GATAD2A: variants seen among roughly 807,000 people sequenced by gnomAD.
The protein encoded by GATAD2A is GATA zinc finger domain containing 2A.
A neutral mutation model predicts 68.5 loss-of-function variants in GATAD2A; 12 were observed. The ratio of observed to expected loss-of-function variants is 0.18; its 90% CI spans 0.11 to 0.28. The LOEUF (loss-of-function observed/expected upper bound fraction) is 0.28. Among genes scored for constraint, GATAD2A ranks in the 10% least tolerant of loss-of-function variants. The probability of loss-of-function intolerance (pLI) is 1.00; values close to 1 mark genes in which losing one functional copy is unlikely to be tolerated. For synonymous variants in GATAD2A, 410 were observed against 375.3 expected (o/e 1.09, Z -1.07); for missense variants, 755 against 868.5 (o/e 0.87, Z 1.64).
chr19:19,480,912 C>T (rs1179698225), intron 2 of GATAD2A, among the ~76,000 whole-genome samples: 1 of 152,214 alleles, frequency 6.6e-6, no homozygotes, highest in Non-Finnish European at 1.5e-5. Context: ...TTTCCAGGCA[C>T]AGCGAGCACT....
intron 1 of GATAD2A, among the ~76,000 whole-genome samples, chr19:19,450,650 G>T (rs1361680883): frequency 6.6e-6 from 1 of 151,240 alleles, no homozygotes; most frequent in African/African-American, 2.4e-5. Context: ...GTGCTGGGGG[G>T]TATGTGGGGG....
At position 19,393,213 on chromosome 19, in the gene GATAD2A, G is replaced by A. The variant is rs996873940; in HGVS notation, c.-7+7075G>A. 1.1e-4 allele frequency among the ~76,000 whole-genome samples: 17 copies of A among 152,234 alleles called. No homozygotes were observed. The East Asian group carries it at 2.7e-3, about 24-fold the overall frequency. On this transcript the variant is annotated intron_variant, in intron 1 of 11. Transcript: ENST00000360315. ...AGCTACTCGGGAGGCTGAGGCACAA[G>A]AATGGCTTGAACCTGAGTGAGAGGC...
rs904985278 is a variant in GATAD2A at position 19,506,088 on chromosome 19, C to T, written c.*614C>T. The T allele has an allele frequency of 1.3e-5, 5 of 399,006 alleles. No homozygotes were observed. The highest frequency in any genetic ancestry group is 4.4e-5 in the Admixed American group (1 of 22,740). 24.7% of individuals were successfully genotyped at this position (399,006 alleles called of 1,614,324 possible). Reference sequence around the variant, plus strand: ...CTGGCCCTGTGCCCTGGAGGGTGGGCGGCTCATGGTGCCACAGCCCCTGGC... The same window carrying T: ...CTGGCCCTGTGCCCTGGAGGGTGGGTGGCTCATGGTGCCACAGCCCCTGGC... On this transcript the variant is annotated 3_prime_UTR_variant, in exon 12 of 12. Coordinates refer to ENST00000683918, the MANE Select transcript of GATAD2A (RefSeq NM_001384528.1).
At chr19:19,439,780 G>A (rs527562847) in intron 1 of GATAD2A, among the ~76,000 whole-genome samples, 7 of 152,194 alleles carry the variant, frequency 4.6e-5, no homozygotes, top group South Asian at 2.1e-4. Flanking sequence ...CCCAGGAGGC[G>A]GAGGTTGCAG....
chr19:19,430,519 A>G (rs922898420), intron 1 of GATAD2A, among the ~76,000 whole-genome samples: 3 of 152,136 alleles, frequency 2.0e-5, no homozygotes, highest in Non-Finnish European at 2.9e-5. Flanking sequence ...CCAGGATTGG[A>G]CTGGAGCCAA....
At chr19:19,487,843 T>C (rs1385078689) in intron 2 of GATAD2A, among the ~76,000 whole-genome samples, 1 of 152,154 alleles carries the variant, frequency 6.6e-6, no homozygotes, top group African/African-American at 2.4e-5. Flanking sequence ...GCAGGGCTGG[T>C]GTTGGCTCTA....
At chr19:19,415,599 G>A (rs925990604) in intron 1 of GATAD2A, among the ~76,000 whole-genome samples, 5 of 149,044 alleles carry the variant, frequency 3.4e-5, no homozygotes, top group African/African-American at 1.0e-4. Context: ...ACAGGCGTGC[G>A]CCACCATGCC....
intron 1 of GATAD2A, among the ~76,000 whole-genome samples, chr19:19,409,983 A>G (rs1208652623): frequency 6.6e-6 from 1 of 152,218 alleles, no homozygotes; most frequent in Admixed American, 6.5e-5. Context: ...AGCCTCAGGA[A>G]GTGATTGGGA....
At chr19:19,399,137 T>C (rs2049505609) in intron 1 of GATAD2A, among the ~76,000 whole-genome samples, 1 of 152,300 alleles carries the variant, frequency 6.6e-6, no homozygotes, top group African/African-American at 2.4e-5. Context: ...AGCATGAGAA[T>C]TGCTTGAACC....
At position 19,507,808 on chromosome 19, in the gene GATAD2A, A is replaced by C. The variant is rs564495884; in HGVS notation, c.*2334A>C. The C allele has an allele frequency of 1.3e-5, 2 of 151,610 alleles. No individual in the cohort carries two copies. Among genetic ancestry groups the C allele is most frequent in the South Asian group, 4.2e-4 (2 of 4,788 alleles). 9.4% of individuals were successfully genotyped at this position (151,610 alleles called of 1,614,324 possible). ...TGTGAGATGCCTTAATCTTTCCTTCATTTCTGCTGTCTCGAACACTCTAGC... is the reference window on the plus strand; with the variant it reads ...TGTGAGATGCCTTAATCTTTCCTTCCTTTCTGCTGTCTCGAACACTCTAGC... On this transcript the variant is annotated 3_prime_UTR_variant, in exon 12 of 12. Coordinates refer to ENST00000683918, the MANE Select transcript of GATAD2A (RefSeq NM_001384528.1).
In GATAD2A at chr19:19,461,787, T is replaced by C. The variant is rs138279400; in HGVS notation, c.-6-3553T>C. On this transcript the variant is annotated intron_variant, in intron 1 of 11. Transcript: ENST00000683918. ...TGGCTTGCAGTCCGGCCTGGGGTGT[T>C]TGGAGAGAGTGAGGAGGAGGGTGAG... Among the ~76,000 whole-genome samples, 803 of 152,340 alleles carry C rather than the reference T, an allele frequency of 5.3e-3. 6 individuals carry two copies. Among genetic ancestry groups the C allele is most frequent in the South Asian group, 0.041 (198 of 4,832 alleles).
At chr19:19,391,874 G>A (rs1284632555) in intron 1 of GATAD2A, among the ~76,000 whole-genome samples, 1 of 152,130 alleles carries the variant, frequency 6.6e-6, no homozygotes, top group African/African-American at 2.4e-5. Flanking sequence ...AGACAGCACT[G>A]GGGGCATTAA....
At chr19:19,420,792 A>G (rs1018072920) in intron 1 of GATAD2A, among the ~76,000 whole-genome samples, 1 of 152,100 alleles carries the variant, frequency 6.6e-6, no homozygotes, top group African/African-American at 2.4e-5. Flanking sequence ...GTATGATGAC[A>G]GTCCCTCGTA....
intron 7 of GATAD2A, 84 bp from the exon 8 acceptor site, chr19:19,498,359 C>T: frequency 7.6e-7 from 1 of 1,314,754 alleles, no homozygotes; most frequent in Non-Finnish European, 1.0e-6. Flanking sequence ...GTGCAGTTGA[C>T]AGGACCTCGG....
In GATAD2A at chr19:19,496,067, A is replaced by C. The variant is rs964385206; in HGVS notation, c.772A>C (p.Arg258=). The change falls in exon 7 of 12, where the codon AGG becomes CGG. Residue 258 remains arginine (R), a synonymous_variant. Transcript: ENST00000683918. ...VRGAQQIHSI[R]QHSSTGPPPL... is the part of the protein sequence containing the mutation. Reference sequence around the variant, plus strand: ...ACCCCAACAGCAAATCCACAGCATTAGGCAACATTCCAGCACAGGGCCACC... The same window carrying C: ...ACCCCAACAGCAAATCCACAGCATTCGGCAACATTCCAGCACAGGGCCACC... 7 of 1,613,766 alleles carry C rather than the reference A, an allele frequency of 4.3e-6. No homozygotes were observed. The highest frequency in any genetic ancestry group is 5.1e-6 in the Non-Finnish European group (6 of 1,179,896).
chr19:19,392,225 A>G (rs1348204768), intron 1 of GATAD2A, among the ~76,000 whole-genome samples: 1 of 150,844 alleles, frequency 6.6e-6, no homozygotes, highest in African/African-American at 2.4e-5. Flanking sequence ...AGCTGGGACT[A>G]CAGGCATGCG....
chr19:19,497,214 G>A (rs540329446), intron 7 of GATAD2A, among the ~76,000 whole-genome samples: 1 of 152,330 alleles, frequency 6.6e-6, no homozygotes, highest in South Asian at 2.1e-4. Context: ...TCCTGCGTCA[G>A]CCTCCCAAGT....
chr19:19,389,667 C>G (rs1033634994), intron 1 of GATAD2A, among the ~76,000 whole-genome samples: 2 of 152,140 alleles, frequency 1.3e-5, no homozygotes, highest in African/African-American at 4.8e-5. Context: ...AGGCACTGCC[C>G]TCAGGGGAAG....
chr19:19,389,246 G>A (rs978006890), intron 1 of GATAD2A, among the ~76,000 whole-genome samples: 1 of 152,156 alleles, frequency 6.6e-6, no homozygotes, highest in Non-Finnish European at 1.5e-5. Flanking sequence ...ACCACTTCGT[G>A]TCCACGCACA....
Sources: allele counts gnomAD v4.1 joint callset (sites outside exome capture counted in the v4.1 genomes callset), GRCh38; gene constraint gnomAD v4.1.1; transcripts MANE v1.5; gene names NCBI Gene and HGNC (gene_info 2026-07-23, HGNC 2026-07-21).